The following CACNA2D3 variants were observed in gnomAD, a reference collection of about 807,000 sequenced individuals.
CACNA2D3 encodes voltage-dependent calcium channel subunit alpha-2/delta-3.
In CACNA2D3, 60 loss-of-function variants were observed where a neutral mutation model predicts 160.6. The observed-to-expected ratio is 0.37, with a 90% CI of 0.30 to 0.46. The LOEUF (loss-of-function observed/expected upper bound fraction) is 0.46. CACNA2D3 is among the 20% of genes least tolerant of loss of function. CACNA2D3 has a pLI of 1.00. For synonymous variants in CACNA2D3, 558 were observed against 492.9 expected (o/e 1.13, Z -1.75); for missense variants, 1,205 against 1,365.0 (o/e 0.88, Z 1.85).
intron 17 of CACNA2D3, among the ~76,000 whole-genome samples, chr3:54,855,914 C>T (rs1343368920): frequency 1.3e-5 from 2 of 152,224 alleles, no homozygotes; most frequent in African/African-American, 2.4e-5. Context: ...TCCTGCTGCC[C>T]TGTCACCCCT....
chr3:54,226,424 T>G (rs576297644), intron 2 of CACNA2D3, among the ~76,000 whole-genome samples: 21 of 147,076 alleles, frequency 1.4e-4, no homozygotes, highest in Middle Eastern at 3.5e-3. Context: ...CACCACAGCC[T>G]CTGGAGTAGC....
In CACNA2D3 at chr3:54,832,618, T is replaced by C. The variant is rs75777209; in HGVS notation, c.1399-4541T>C. ...TCTGTCATATAAACCCTGACAGATA[T>C]TGATAAACACCAGGCATTTTCACTT... On this transcript the variant is annotated intron_variant, in intron 14 of 37. Transcript: ENST00000474759. Among the ~76,000 whole-genome samples, 21 of 152,320 alleles carry C rather than the reference T, an allele frequency of 1.4e-4. No homozygotes were observed. In the East Asian group the frequency reaches 3.7e-3, roughly 27 times the overall value.
At chr3:55,061,842 A>T (rs932247165) in intron 35 of CACNA2D3, among the ~76,000 whole-genome samples, 2 of 152,222 alleles carry the variant, frequency 1.3e-5, no homozygotes, top group Admixed American at 1.3e-4. Context: ...ATGCCTGGAC[A>T]GGACTAGCTC....
At chr3:55,019,412 AT>A (rs199704779) in intron 35 of CACNA2D3, among the ~76,000 whole-genome samples, 1 of 151,972 alleles carries the variant, frequency 6.6e-6, no homozygotes, top group Non-Finnish European at 1.5e-5. Context: ...GATAATTACT[AT>A]TTTTTATAAT....
At chr3:54,961,544 G>A (rs1042056254) in intron 27 of CACNA2D3, among the ~76,000 whole-genome samples, 10 of 152,220 alleles carry the variant, frequency 6.6e-5, no homozygotes, top group Non-Finnish European at 2.9e-5. Context: ...GCCAGTGCAA[G>A]TCAGCTCTTG....
At chr3:54,648,297 A>G (rs1451960781) in intron 11 of CACNA2D3, among the ~76,000 whole-genome samples, 1 of 152,252 alleles carries the variant, frequency 6.6e-6, no homozygotes, top group Admixed American at 6.5e-5. Flanking sequence ...TTCAAATTTC[A>G]GTGTCCACAA....
rs545040796 is a variant in CACNA2D3 at position 54,290,737 on chromosome 3, T to G, written c.205-29705T>G. 1.4e-4 allele frequency among the ~76,000 whole-genome samples: 22 copies of G among 151,802 alleles called. No homozygotes were observed. The South Asian group carries it at 4.2e-3, about 29-fold the overall frequency. ...TGGAATACTATGCAGCCATAAAAAA[T>G]GATGAGTTCATGTCCTTTGTAGGGA... On this transcript the variant is annotated intron_variant, in intron 2 of 37. Transcript: ENST00000474759.
intron 2 of CACNA2D3, among the ~76,000 whole-genome samples, chr3:54,229,737 T>C (rs982889566): frequency 3.3e-5 from 5 of 152,184 alleles, no homozygotes; most frequent in African/African-American, 9.6e-5. Flanking sequence ...TCCCCAGTTA[T>C]AAAAATGCCA....
chr3:54,290,044 C>T (rs1006293472), intron 2 of CACNA2D3, among the ~76,000 whole-genome samples: 9 of 150,838 alleles, frequency 6.0e-5, no homozygotes, highest in Non-Finnish European at 1.0e-4. Context: ...CAACAAAAGC[C>T]GAAATTGACA....
At chr3:54,580,386 T>C (rs1158043169) in intron 8 of CACNA2D3, among the ~76,000 whole-genome samples, 4 of 152,048 alleles carry the variant, frequency 2.6e-5, no homozygotes, top group African/African-American at 9.7e-5. Flanking sequence ...GTCCCTGCGG[T>C]GTATCCAGAG....
intron 2 of CACNA2D3, among the ~76,000 whole-genome samples, chr3:54,151,434 A>G (rs576439465): frequency 2.6e-5 from 4 of 151,314 alleles, no homozygotes; most frequent in Non-Finnish European, 5.9e-5. Context: ...GGAGGAAGGA[A>G]GGGATGGGTG....
chr3:54,135,408 G>A (rs935156296), intron 2 of CACNA2D3, among the ~76,000 whole-genome samples: 1 of 152,192 alleles, frequency 6.6e-6, no homozygotes, highest in Non-Finnish European at 1.5e-5. Flanking sequence ...GTTTTTATTT[G>A]CATTTGCATC....
chr3:54,988,790 G>A, intron 31 of CACNA2D3, among the ~76,000 whole-genome samples: 1 of 152,148 alleles, frequency 6.6e-6, no homozygotes, highest in East Asian at 1.9e-4. Context: ...AAATTCCATA[G>A]CTTGTTTGTG....
At chr3:54,422,100 G>A (rs1210027965) in intron 4 of CACNA2D3, among the ~76,000 whole-genome samples, 1 of 152,174 alleles carries the variant, frequency 6.6e-6, no homozygotes, top group Non-Finnish European at 1.5e-5. Flanking sequence ...GCATGTCAGG[G>A]TTCACTGGTT....
chr3:54,480,269 A>G (rs1319993650), intron 4 of CACNA2D3, among the ~76,000 whole-genome samples: 1 of 151,964 alleles, frequency 6.6e-6, no homozygotes, highest in Non-Finnish European at 1.5e-5. Flanking sequence ...GAAATCACTG[A>G]CCCTCAGGAT....
intron 5 of CACNA2D3, among the ~76,000 whole-genome samples, chr3:54,512,895 G>A (rs6445678): frequency 0.99 from 150,927 of 152,326 alleles, 74,789 homozygotes; most frequent in Middle Eastern, 1. Flanking sequence ...AGGCCTCACA[G>A]TCATGGCGGA....
At chr3:54,666,054 T>C (rs1490639100) in intron 11 of CACNA2D3, among the ~76,000 whole-genome samples, 1 of 152,088 alleles carries the variant, frequency 6.6e-6, no homozygotes, top group Non-Finnish European at 1.5e-5. Flanking sequence ...GGGAGGGGTA[T>C]AGATGGAATA....
At chr3:54,914,092 C>T (rs996400621) in intron 27 of CACNA2D3, among the ~76,000 whole-genome samples, 1 of 152,096 alleles carries the variant, frequency 6.6e-6, no homozygotes, top group Non-Finnish European at 1.5e-5. Context: ...TATGCTAACC[C>T]CATCTCCTGC....
At position 54,204,452 on chromosome 3, in the gene CACNA2D3, G is replaced by T. The variant is rs565693195; in HGVS notation, c.204+80858G>T. On this transcript the variant is annotated intron_variant, in intron 2 of 37. Coordinates refer to ENST00000474759, the MANE Select transcript of CACNA2D3 (RefSeq NM_018398.3). The stretch of plus-strand genomic sequence containing the variant: ...ATAACCAGACCTTGAGGAAAGCCAC[G>T]AATGTGAAAGAGAGAGGTGAAAACA... Among the ~76,000 whole-genome samples, 22 of 152,182 alleles carry T rather than the reference G, an allele frequency of 1.4e-4. No homozygotes were observed. In the South Asian group the frequency reaches 4.4e-3, roughly 30 times the overall value.
Sources: allele counts gnomAD v4.1 joint callset (sites outside exome capture counted in the v4.1 genomes callset), GRCh38; gene constraint gnomAD v4.1.1; transcripts MANE v1.5; gene names NCBI Gene and HGNC (gene_info 2026-07-23, HGNC 2026-07-21).